Variants in ARHGAP33 observed in about 807,000 individuals in gnomAD.
ARHGAP33 encodes Rho GTPase activating protein 33, also known as rho GTPase-activating protein 33.
Under a neutral mutation model 126.2 loss-of-function variants are expected in ARHGAP33, and 57 were observed. The observed-to-expected ratio is 0.45, with a 90% CI of 0.36 to 0.56. The LOEUF (loss-of-function observed/expected upper bound fraction) is 0.56, where lower values mean the gene tolerates loss of function less well. Ranked by LOEUF, ARHGAP33 falls within the 20% of genes least tolerant of loss-of-function variation. ARHGAP33 has a pLI of 0.00. For synonymous variants in ARHGAP33, 711 were observed against 755.0 expected, an observed-to-expected ratio of 0.94 and a Z score of 0.95; for missense variants, 1,500 against 1,748.3, an observed-to-expected ratio of 0.86 and a Z score of 2.53.
chr19:35,776,805 T>C (rs906387448), intron 1 of ARHGAP33, among the ~76,000 whole-genome samples: 2 of 152,104 alleles, frequency 1.3e-5, no homozygotes, highest in African/African-American at 4.8e-5. Flanking sequence ...AGGGAGAAGC[T>C]CTGGTCAAGG....
In ARHGAP33 at chr19:35,787,568, C is replaced by A. The variant is rs231235; in HGVS notation, c.3003C>A (p.Ala1001=). 29 of 1,611,074 alleles carry A rather than the reference C, an allele frequency of 1.8e-5. No homozygotes were observed. The highest frequency in any genetic ancestry group is 1.1e-4 in the East Asian group (5 of 44,832). ...TCCGAGGCCCTGCCCAGGTCAGTGCCCAGCTCAGGGCAGGTGGCGGGGGCA... is the reference window on the plus strand; with the variant it reads ...TCCGAGGCCCTGCCCAGGTCAGTGCACAGCTCAGGGCAGGTGGCGGGGGCA... ...RGLRGPAQVS[A]QLRAGGGGRD... is the part of the protein sequence containing the mutation. Residue 1001 remains alanine, a synonymous_variant, in exon 21 of 21, where the codon GCC becomes GCA. Coordinates refer to ENST00000007510, the MANE Select transcript of ARHGAP33 (RefSeq NM_001366178.1).
Position 35,784,208 on chromosome 19 carries a change from G to C in ARHGAP33, c.1458G>C (p.Ala486=), listed in dbSNP as rs375544322. 6.2e-7 allele frequency: 1 copy of C among 1,611,814 alleles called. No individual in the cohort carries two copies. ...TGGAGTCAGTGGGAATGGGTGGCGCGGCGGCGTTCCGGGAAGTTCGGGTGC... is the reference window on the plus strand; with the variant it reads ...TGGAGTCAGTGGGAATGGGTGGCGCCGCGGCGTTCCGGGAAGTTCGGGTGC... ...MELESVGMGG[A]AAFREVRVQS... The change falls in exon 16 of 21, where the codon GCG becomes GCC. Residue 486 remains alanine (A), a synonymous_variant. Transcript: ENST00000007510.
chr19:35,777,969 G>A (rs977553443), intron 3 of ARHGAP33, 61 bp downstream of exon 3: 8 of 1,563,900 alleles, frequency 5.1e-6, no homozygotes, highest in African/African-American at 2.7e-5. Context: ...ACCTTGCAAC[G>A]ATATCAGGTG....
chr19:35,775,654 C>T lies in ARHGAP33; in HGVS notation c.-5C>T, dbSNP rs919724464. The T allele has an allele frequency of 3.5e-5, 54 of 1,549,716 alleles. No homozygotes were observed. Among genetic ancestry groups the T allele is most frequent in the Non-Finnish European group, 4.6e-5 (53 of 1,153,392 alleles). ...GCGGCCGGGGCCTGAGGAGGCTACG[C>T]GACCATGGTGGTAAGGGTCCCACGC... On this transcript the variant is annotated 5_prime_UTR_variant, in exon 1 of 21. Transcript: ENST00000007510.
In ARHGAP33 at chr19:35,788,426, C is replaced by T; in HGVS notation, c.3861C>T (p.Cys1287=). ...LHSEGQTRSY[C] is the part of the protein sequence containing the mutation. ...CTGAGGGCCAGACCCGAAGCTACTG[C>T]TGAGCACCAGCTGGGAGGGGCCGTC... The change falls in exon 21 of 21, where the codon TGC becomes TGT. Residue 1287 remains cysteine (C), a synonymous_variant. Coordinates refer to ENST00000007510, the MANE Select transcript of ARHGAP33 (RefSeq NM_001366178.1). 6.4e-7 allele frequency: 1 copy of T among 1,550,490 alleles called. No homozygotes were observed. Among genetic ancestry groups the T allele is most frequent in the South Asian group, 1.2e-5 (1 of 84,428 alleles).
Position 35,782,532 on chromosome 19 carries a change from T to C in ARHGAP33, c.1230+15T>C. The C allele has an allele frequency of 6.2e-7, 1 of 1,613,326 alleles. No homozygotes were observed. The highest frequency in any genetic ancestry group is 8.5e-7 in the Non-Finnish European group (1 of 1,179,468). ...GGAAGTTCAGTGTGAGTAAGGGAGC[T>C]GGCGGGACGGAGGGGGCCGGGACGC... On this transcript the variant is annotated intron_variant, in intron 13 of 20. Coordinates refer to ENST00000007510, the MANE Select transcript of ARHGAP33 (RefSeq NM_001366178.1). This position sits in a 1 kb window ranked among gnomAD's most constrained non-coding sequence, Gnocchi z 4.1.
chr19:35,781,075 G>T lies in ARHGAP33; in HGVS notation c.982+3G>T. On this transcript the variant is annotated splice_donor_region_variant and intron_variant, in intron 11 of 20. Transcript: ENST00000007510. The stretch of plus-strand genomic sequence containing the variant: ...CCTCAGCAACTCAGGCCAGGATGGT[G>T]AGGCCGGGGCCCACCCACCCCACCC... 6.2e-7 allele frequency: 1 copy of T among 1,612,042 alleles called. No homozygotes were observed. Among genetic ancestry groups the T allele is most frequent in the East Asian group, 2.2e-5 (1 of 44,860 alleles).
At position 35,784,772 on chromosome 19, in the gene ARHGAP33, G is replaced by T. The variant is rs902726548; in HGVS notation, c.1568-181G>T. On this transcript the variant is annotated intron_variant, in intron 16 of 20. Transcript: ENST00000007510. Reference sequence around the variant, plus strand: ...AGCTGCCTCCTCATCAGCTCGTCCCGCCCCGCCCTCCTCCCACCTGCCTGC... The same window carrying T: ...AGCTGCCTCCTCATCAGCTCGTCCCTCCCCGCCCTCCTCCCACCTGCCTGC... The T allele has an allele frequency of 1.5e-5, 20 of 1,322,140 alleles. 1 individual carries two copies. The Admixed American group carries it at 2.7e-4, about 18-fold the overall frequency. The allele number at this position is 1,322,140 out of a possible 1,614,324, so 81.9% of individuals were successfully genotyped here. A position where few individuals can be genotyped will look rare whatever the true frequency, so the allele number is the denominator to read the frequency against.
Position 35,788,035 on chromosome 19 carries a change from A to T in ARHGAP33, c.3470A>T (p.His1157Leu), listed in dbSNP as rs1431339841. The change falls in exon 21 of 21, where the codon CAC (histidine) becomes CTC (leucine). Residue 1157 changes from histidine (H) to leucine (L), a missense_variant. His to Leu is a moderately conservative substitution (Grantham distance 99). Transcript: ENST00000007510. ...PDHLGYSAPQ[H>L]PARRPTPPEP... is the part of the protein sequence containing the mutation. The stretch of plus-strand genomic sequence containing the variant: ...CACCTTGGCTACTCAGCCCCCCAGC[A>T]CCCTGCTCGGCGCCCTACACCGCCT... 6.7e-7 allele frequency: 1 copy of T among 1,484,688 alleles called. No homozygotes were observed. Among genetic ancestry groups the T allele is most frequent in the East Asian group, 2.9e-5 (1 of 34,232 alleles). 92.0% of individuals were successfully genotyped at this position (1,484,688 alleles called of 1,614,324 possible).
At chr19:35,783,890 G>T (rs1971940769) in intron 15 of ARHGAP33, among the ~76,000 whole-genome samples, 1 of 150,142 alleles carries the variant, frequency 6.7e-6, no homozygotes, top group Non-Finnish European at 1.5e-5. Context: ...GGCCAGATGG[G>T]GGGCAGTGGA....
chr19:35,784,641 T>TC, intron 16 of ARHGAP33: 2 of 319,510 alleles, frequency 6.3e-6, no homozygotes, highest in African/African-American at 5.0e-5. Context: ...CCACCCAGAC[T>TC]CCCCGCCCTG....
At position 35,784,986 on chromosome 19, in the gene ARHGAP33, CG is replaced by C; in HGVS notation, c.1604del (p.Gly535AlafsTer9). The C allele has an allele frequency of 6.5e-7, 1 of 1,545,504 alleles. No individual in the cohort carries two copies. Among genetic ancestry groups the C allele is most frequent in the Non-Finnish European group, 8.7e-7 (1 of 1,146,716 alleles). On this transcript the variant is annotated frameshift_variant, in exon 17 of 21. Transcript: ENST00000007510. LOFTEE classifies it high-confidence loss of function. ...CTGCTCCCCAGGCCCAAGTCCCTTGCGGGCAGCTGCCCCTCCACCCGCCTGC... is the reference window on the plus strand; with the variant it reads ...CTGCTCCCCAGGCCCAAGTCCCTTGCGGCAGCTGCCCCTCCACCCGCCTGC... ...RCLLPRPKSLAGSCPSTRLLT... is the reference protein window; with the variant it reads ...RCLLPRPKSLXGSCPSTRLLT...
chr19:35,777,773 G>T, intron 2 of ARHGAP33, 31 bp downstream of exon 2: 1 of 1,613,622 alleles, frequency 6.2e-7, no homozygotes, highest in African/African-American at 1.3e-5. Context: ...GGCTCAGCTA[G>T]GAGCTGGGGA....
rs920702265 is a variant in ARHGAP33 at position 35,786,193 on chromosome 19, T to C, written c.1943-220T>C. ...GGCTCAGCAGCTGTATGTGAATCTG[T>C]TGGTCTCGTGCTCACAGCCTGTGGG... On this transcript the variant is annotated intron_variant, in intron 19 of 20. Coordinates refer to ENST00000007510, the MANE Select transcript of ARHGAP33 (RefSeq NM_001366178.1). The surrounding 1 kb of genome is among the most constrained non-coding windows in gnomAD (Gnocchi z 7.0). 9 of 1,401,520 alleles carry C rather than the reference T, an allele frequency of 6.4e-6. No individual in the cohort carries two copies. The highest frequency in any genetic ancestry group is 5.8e-5 in the African/African-American group (4 of 68,946). 86.8% of individuals were successfully genotyped at this position (1,401,520 alleles called of 1,614,324 possible). A position where few individuals can be genotyped will look rare whatever the true frequency, so the allele number is the denominator to read the frequency against.
chr19:35,779,673 C>T (rs1971646256), intron 6 of ARHGAP33, among the ~76,000 whole-genome samples: 1 of 152,068 alleles, frequency 6.6e-6, no homozygotes, highest in Admixed American at 6.5e-5. Context: ...AGGTGTTCCG[C>T]CCACCTCAGC....
In ARHGAP33 at chr19:35,780,950, G is replaced by T. The variant is rs1396384172; in HGVS notation, c.860G>T (p.Gly287Val). Residue 287 changes from glycine (G) to valine (V), a missense_variant, in exon 11 of 21, where the codon GGC becomes GTC. Physicochemically the swap from Gly to Val is moderately radical, Grantham distance 109 (BLOSUM62 -3). This residue lies in a region of ARHGAP33 where 281 missense variants were observed against 413.7 expected (regional missense o/e 0.68). Transcript: ENST00000007510. ...AVPRPRGKLA[G>V]LLRTFMRSRP... ...CCACGGCCTCGTGGGAAGCTGGCCG[G>T]CCTGCTCCGCACCTTCATGCGCTCC... 13 of 1,609,426 alleles carry T rather than the reference G, an allele frequency of 8.1e-6. No individual in the cohort carries two copies. Among genetic ancestry groups the T allele is most frequent in the Non-Finnish European group, 1.1e-5 (13 of 1,179,926 alleles).
Position 35,778,515 on chromosome 19 carries a change from G to T in ARHGAP33, c.322G>T (p.Ala108Ser). The T allele has an allele frequency of 6.2e-7, 1 of 1,614,182 alleles. No individual in the cohort carries two copies. The highest frequency in any genetic ancestry group is 8.5e-7 in the Non-Finnish European group (1 of 1,180,032). ...RSYDDFRSLD[A>S]HLHRCIFDRR... is the part of the protein sequence containing the mutation. ...TTACGATGACTTTCGTTCCCTGGATGCCCACCTCCACCGGTGCATATTTGA... is the reference window on the plus strand; with the variant it reads ...TTACGATGACTTTCGTTCCCTGGATTCCCACCTCCACCGGTGCATATTTGA... Residue 108 changes from alanine to serine, a missense_variant, in exon 5 of 21, where the codon GCC becomes TCC. Transcript: ENST00000007510.
intron 1 of ARHGAP33, among the ~76,000 whole-genome samples, chr19:35,777,173 G>T (rs1225254231): frequency 6.6e-6 from 1 of 152,164 alleles, no homozygotes; most frequent in Non-Finnish European, 1.5e-5. Context: ...TCGTCTTGAA[G>T]ACAACAGGGA....
intron 1 of ARHGAP33, among the ~76,000 whole-genome samples, chr19:35,776,829 A>T (rs1351754695): frequency 6.6e-6 from 1 of 152,170 alleles, no homozygotes; most frequent in African/African-American, 2.4e-5. Flanking sequence ...GGAACCTGGG[A>T]TGGGGGAACC....
Sources: allele counts gnomAD v4.1 joint callset (sites outside exome capture counted in the v4.1 genomes callset), GRCh38; gene constraint gnomAD v4.1.1; regional missense constraint gnomAD v4.1.1; non-coding constraint Gnocchi (gnomAD v3.1); transcripts MANE v1.5; gene names NCBI Gene and HGNC (gene_info 2026-07-23, HGNC 2026-07-21).